Variants in RASGRF1 observed in about 807,000 individuals in gnomAD.
RASGRF1 encodes ras-specific guanine nucleotide-releasing factor 1.
Under a neutral mutation model 138.7 loss-of-function variants are expected in RASGRF1, and 40 were observed. The ratio of observed to expected loss-of-function variants is 0.29; its 90% CI spans 0.22 to 0.38. The LOEUF (loss-of-function observed/expected upper bound fraction) is 0.38, where lower values mean the gene tolerates loss of function less well. Among genes scored for constraint, RASGRF1 ranks in the 10% least tolerant of loss-of-function variants. RASGRF1 has a pLI of 1.00. For synonymous variants in RASGRF1, 614 were observed against 663.2 expected (o/e 0.93, Z 1.14); for missense variants, 1,108 against 1,650.4 (o/e 0.67, Z 5.69).
intron 1 of RASGRF1, among the ~76,000 whole-genome samples, chr15:79,074,498 G>A (rs1431579783): frequency 6.6e-6 from 1 of 152,236 alleles, no homozygotes; most frequent in Non-Finnish European, 1.5e-5. Flanking sequence ...GGCAGGGCCA[G>A]TACCCTATGT....
chr15:79,053,674 C>T (rs1202314071), intron 3 of RASGRF1, among the ~76,000 whole-genome samples: 4 of 152,158 alleles, frequency 2.6e-5, no homozygotes, highest in African/African-American at 9.7e-5. Flanking sequence ...AGTAAAGTTA[C>T]ACGTGTGTCG....
At chr15:79,033,581 CTTTTTTTTT>C (rs71148586) in intron 6 of RASGRF1, among the ~76,000 whole-genome samples, 6 of 93,958 alleles carry the variant, frequency 6.4e-5, no homozygotes, top group African/African-American at 1.8e-4. Flanking sequence ...TTTTTCTTTT[CTTTTTTTTT>C]TTTTTTTTTT....
intron 26 of RASGRF1, among the ~76,000 whole-genome samples, chr15:78,971,031 TG>T (rs2055747548): frequency 6.6e-6 from 1 of 152,078 alleles, no homozygotes; most frequent in Admixed American, 6.6e-5. Flanking sequence ...TTGGTGGTGG[TG>T]GTGGAGGGGG....
chr15:79,023,568 C>A (rs188103204), intron 10 of RASGRF1, among the ~76,000 whole-genome samples: 12 of 152,290 alleles, frequency 7.9e-5, no homozygotes, highest in Admixed American at 5.9e-4. Flanking sequence ...TTAAGGTGGT[C>A]TGCCAGGGGA....
chr15:78,971,099 CG>C (rs1305943751), intron 26 of RASGRF1, among the ~76,000 whole-genome samples: 1 of 152,146 alleles, frequency 6.6e-6, no homozygotes, highest in Non-Finnish European at 1.5e-5. Flanking sequence ...ATGTCTACCC[CG>C]ACCAGGAAAA....
At position 78,985,070 on chromosome 15, in the gene RASGRF1, G is replaced by A; in HGVS notation, c.3351C>T (p.Thr1117=). The A allele has an allele frequency of 6.2e-7, 1 of 1,614,102 alleles. No individual in the cohort carries two copies. Among genetic ancestry groups the A allele is most frequent in the Non-Finnish European group, 8.5e-7 (1 of 1,180,020 alleles). ...LHNYNAVLEI[T]SSMNRSAIFR... ...AGATTGCACTGCGGTTCATGGACGA[G>A]GTGATCTCCAGTACGGCATTGTAGT... Residue 1117 remains threonine, a synonymous_variant, in exon 23 of 27, where the codon ACC becomes ACT. Coordinates refer to ENST00000558480, the MANE Select transcript of RASGRF1 (RefSeq NM_001145648.3).
rs2057153123 is a variant in RASGRF1, at chr15:79,032,362, G to A, written c.959-46C>T. On this transcript the variant is annotated intron_variant, in intron 6 of 26. Coordinates refer to ENST00000558480, the MANE Select transcript of RASGRF1 (RefSeq NM_001145648.3). This position sits in a 1 kb window ranked among gnomAD's most constrained non-coding sequence, Gnocchi z 4.5. ...GCGGGTGGCTAGGGCAGCTTGGTGG[G>A]GACAGAATCCCCTAGGCCCTTGGCT... The A allele has an allele frequency of 1.3e-6, 2 of 1,584,008 alleles. No individual in the cohort carries two copies. The highest frequency in any genetic ancestry group is 8.6e-7 in the Non-Finnish European group (1 of 1,156,954).
chr15:79,017,923 A>G lies in RASGRF1; in HGVS notation c.1607-17T>C. ...ATCCTTTGGCTTCCAGTTGTAAAAC[A>G]TAAAGTTAGCAGCATGAATGTGGAC... On this transcript the variant is annotated splice_polypyrimidine_tract_variant and intron_variant, in intron 11 of 26. Coordinates refer to ENST00000558480, the MANE Select transcript of RASGRF1 (RefSeq NM_001145648.3). 2.5e-6 allele frequency: 4 copies of G among 1,612,176 alleles called. No individual in the cohort carries two copies. The highest frequency in any genetic ancestry group is 3.4e-5 in the Admixed American group (2 of 59,554).
At chr15:79,069,740 T>C (rs953694983) in intron 1 of RASGRF1, among the ~76,000 whole-genome samples, 18 of 152,198 alleles carry the variant, frequency 1.2e-4, no homozygotes, top group African/African-American at 3.6e-4. Flanking sequence ...GACTTCCTAT[T>C]GCTTCTTCTT....
intron 1 of RASGRF1, 136 bp downstream of exon 1, chr15:79,090,087 G>A: frequency 2.4e-6 from 3 of 1,263,288 alleles, no homozygotes; most frequent in Non-Finnish European, 3.2e-6. Context: ...CTCCCCTCTC[G>A]CTGAGGGTGC....
In RASGRF1 at chr15:78,962,199, T is replaced by A; in HGVS notation, c.3719A>T (p.Asp1240Val). 6.3e-7 allele frequency: 1 copy of A among 1,586,782 alleles called. No individual in the cohort carries two copies. Among genetic ancestry groups the A allele is most frequent in the Non-Finnish European group, 8.6e-7 (1 of 1,162,144 alleles). ...QYLLDQSFVMDEESLYESSLR... is the reference protein window; with the variant it reads ...QYLLDQSFVMVEESLYESSLR... The stretch of plus-strand genomic sequence containing the variant: ...AGAAGACTCGTAGAGGCTTTCTTCA[T>A]CCATTACAAAAGATTGGTCCAGTAA... The change falls in exon 27 of 27, where the codon GAT becomes GTT. Residue 1240 changes from aspartate to valine, a missense_variant. Around this residue, in one of 3 missense-constraint regions of RASGRF1, gnomAD observed 686 missense variants for 976.7 expected, o/e 0.70. Transcript: ENST00000558480.
At chr15:78,970,742 A>G (rs1187232522) in intron 26 of RASGRF1, among the ~76,000 whole-genome samples, 1 of 151,730 alleles carries the variant, frequency 6.6e-6, no homozygotes, top group Non-Finnish European at 1.5e-5. Flanking sequence ...CCTACAGTAC[A>G]GGCTTTGAAT....
intron 20 of RASGRF1, 112 bp from the exon 21 acceptor site, chr15:78,991,906 G>A: frequency 5.5e-6 from 4 of 723,662 alleles, no homozygotes. Flanking sequence ...TGGGCGGGTG[G>A]ACGGGGTATG....
At chr15:79,054,336 T>C (rs2057480365) in intron 3 of RASGRF1, among the ~76,000 whole-genome samples, 1 of 152,144 alleles carries the variant, frequency 6.6e-6, no homozygotes, top group African/African-American at 2.4e-5. Flanking sequence ...TTCTATTCAT[T>C]TTTGAGCTGT....
chr15:78,985,091 G>A lies in RASGRF1; in HGVS notation c.3330C>T (p.Tyr1110=). 1.9e-6 allele frequency: 3 copies of A among 1,614,086 alleles called. No individual in the cohort carries two copies. Among genetic ancestry groups the A allele is most frequent in the Non-Finnish European group, 2.5e-6 (3 of 1,179,942 alleles). The stretch of plus-strand genomic sequence containing the variant: ...ACGAGGTGATCTCCAGTACGGCATT[G>A]TAGTTGTGGAGGCAGCGGCATATGT... ...VADICRCLHN[Y]NAVLEITSSM... The change falls in exon 23 of 27, where the codon TAC becomes TAT. Residue 1110 remains tyrosine, a synonymous_variant. Coordinates refer to ENST00000558480, the MANE Select transcript of RASGRF1 (RefSeq NM_001145648.3).
chr15:79,058,271 C>A, intron 3 of RASGRF1, 63 bp downstream of exon 3: 2 of 1,565,358 alleles, frequency 1.3e-6, no homozygotes, highest in Non-Finnish European at 1.7e-6. Context: ...CCCAATCCTG[C>A]AGGAGCCCAG....
At chr15:79,030,000 G>A (rs1681457029) in intron 8 of RASGRF1, among the ~76,000 whole-genome samples, 1 of 152,050 alleles carries the variant, frequency 6.6e-6, no homozygotes, top group African/African-American at 2.4e-5. Context: ...AGAGTGTGCG[G>A]GATTTGGATC....
At chr15:78,994,829 C>T (rs1203875920) in intron 20 of RASGRF1, among the ~76,000 whole-genome samples, 1 of 152,080 alleles carries the variant, frequency 6.6e-6, no homozygotes, top group Non-Finnish European at 1.5e-5. Flanking sequence ...AGAGTTGTCG[C>T]TCTGGAGTCA....
intron 22 of RASGRF1, chr15:78,986,020 A>G (rs1177045483): frequency 2.0e-5 from 3 of 152,176 alleles, no homozygotes; most frequent in African/African-American, 7.2e-5. Context: ...GTAATTATAG[A>G]CAAAGTAATT....
Sources: allele counts gnomAD v4.1 joint callset (sites outside exome capture counted in the v4.1 genomes callset), GRCh38; gene constraint gnomAD v4.1.1; regional missense constraint gnomAD v4.1.1; non-coding constraint Gnocchi (gnomAD v3.1); transcripts MANE v1.5; gene names NCBI Gene and HGNC (gene_info 2026-07-23, HGNC 2026-07-21).